The following CNIH3 variants were observed in gnomAD, a reference collection of about 807,000 sequenced individuals.
CNIH3 encodes the protein protein cornichon homolog 3.
In CNIH3, 14 loss-of-function variants were observed where a neutral mutation model predicts 24.1. The ratio of observed to expected loss-of-function variants is 0.58; its 90% CI spans 0.38 to 0.91. The LOEUF (loss-of-function observed/expected upper bound fraction) is 0.91. Ranked by LOEUF, CNIH3 falls within the 40% of genes least tolerant of loss-of-function variation. CNIH3 has a pLI of 0.00. For missense variants in CNIH3, 178 were observed against 196.8 expected (o/e 0.90, Z 0.57); for synonymous variants, 68 against 73.8 (o/e 0.92, Z 0.40).
At chr1:224,632,539 CA>C (rs1683875299) in intron 1 of CNIH3, among the ~76,000 whole-genome samples, 1 of 151,848 alleles carries the variant, frequency 6.6e-6, no homozygotes, top group Non-Finnish European at 1.5e-5. Flanking sequence ...GGTCATGTCA[CA>C]AGAGGATTGG....
chr1:224,731,262 A>T (rs1689311049), intron 4 of CNIH3, among the ~76,000 whole-genome samples: 1 of 152,144 alleles, frequency 6.6e-6, no homozygotes, highest in African/African-American at 2.4e-5. Context: ...CTTTTATGGT[A>T]TGTAAATTAT....
chr1:224,475,459 A>G (rs1462581935), intron 1 of CNIH3, among the ~76,000 whole-genome samples: 1 of 152,206 alleles, frequency 6.6e-6, no homozygotes, highest in Non-Finnish European at 1.5e-5. Context: ...ATGAGCAATT[A>G]TATGCTAATA....
At chr1:224,605,676 T>C (rs1315915098) in intron 3 of CNIH3, among the ~76,000 whole-genome samples, 2 of 152,138 alleles carry the variant, frequency 1.3e-5, no homozygotes, top group Non-Finnish European at 2.9e-5. Context: ...GACAACCAGA[T>C]GGCCCCACCC....
At chr1:224,731,739 A>G (rs549582013) in intron 4 of CNIH3, among the ~76,000 whole-genome samples, 1 of 152,256 alleles carries the variant, frequency 6.6e-6, no homozygotes, top group Non-Finnish European at 1.5e-5. Flanking sequence ...TACTGGTAGG[A>G]GCATAGAGAA....
At chr1:224,666,172 G>A (rs1420290128) in intron 1 of CNIH3, among the ~76,000 whole-genome samples, 1 of 152,200 alleles carries the variant, frequency 6.6e-6, no homozygotes, top group Non-Finnish European at 1.5e-5. Context: ...CAAAAGCCAA[G>A]CCAGAACCCA....
intron 1 of CNIH3, 90 bp downstream of exon 1, chr1:224,617,345 G>A: frequency 7.1e-7 from 1 of 1,416,448 alleles, no homozygotes; most frequent in South Asian, 1.3e-5. Flanking sequence ...TGCGGGCGTG[G>A]GCGAACCGGA....
chr1:224,481,105 A>C (rs1002471416), intron 1 of CNIH3, among the ~76,000 whole-genome samples: 1 of 152,258 alleles, frequency 6.6e-6, no homozygotes. Flanking sequence ...CACATCTTAC[A>C]TGGATGGCAG....
intron 3 of CNIH3, among the ~76,000 whole-genome samples, chr1:224,564,332 A>G (rs921334392): frequency 6.6e-6 from 1 of 152,194 alleles, no homozygotes; most frequent in African/African-American, 2.4e-5. Context: ...AAATGACGAA[A>G]ATGGAGAATG....
chr1:224,505,615 T>C (rs1405731146), intron 1 of CNIH3, among the ~76,000 whole-genome samples: 2 of 152,150 alleles, frequency 1.3e-5, no homozygotes, highest in African/African-American at 4.8e-5. Flanking sequence ...ACAAGAAAAC[T>C]AGGGCTCAAA....
chr1:224,563,719 G>C (rs1680470157), intron 3 of CNIH3, among the ~76,000 whole-genome samples: 1 of 152,160 alleles, frequency 6.6e-6, no homozygotes, highest in Non-Finnish European at 1.5e-5. Flanking sequence ...GCTAGACTTT[G>C]AAGCTCCTTC....
chr1:224,663,186 C>G (rs1685442442), intron 1 of CNIH3, among the ~76,000 whole-genome samples: 1 of 152,118 alleles, frequency 6.6e-6, no homozygotes, highest in Admixed American at 6.6e-5. Context: ...GTAAGACAGT[C>G]CTATGATTCA....
intron 1 of CNIH3, among the ~76,000 whole-genome samples, chr1:224,630,859 G>A (rs916835120): frequency 6.6e-6 from 1 of 152,100 alleles, no homozygotes; most frequent in African/African-American, 2.4e-5. Context: ...TGTCTGGCCA[G>A]AATGGAGCTG....
chr1:224,561,439 C>CT (rs903535417), intron 3 of CNIH3, among the ~76,000 whole-genome samples: 1 of 152,190 alleles, frequency 6.6e-6, no homozygotes, highest in Admixed American at 6.5e-5. Flanking sequence ...ATCCGTTTCA[C>CT]TTAGTACTTG....
intron 1 of CNIH3, among the ~76,000 whole-genome samples, chr1:224,444,167 C>A (rs907373678): frequency 6.6e-6 from 1 of 151,896 alleles, no homozygotes. Flanking sequence ...ACTTATACTT[C>A]GGTATATAGC....
intron 3 of CNIH3, among the ~76,000 whole-genome samples, chr1:224,608,755 T>C (rs1682548473): frequency 6.6e-6 from 1 of 152,218 alleles, no homozygotes; most frequent in South Asian, 2.1e-4. Flanking sequence ...TCCCTTACCC[T>C]GATGCTTCCC....
intron 3 of CNIH3, among the ~76,000 whole-genome samples, chr1:224,699,524 T>C (rs1488028008): frequency 6.6e-6 from 1 of 152,194 alleles, no homozygotes; most frequent in Non-Finnish European, 1.5e-5. Context: ...GTTCTCTGCT[T>C]GGCTTGTGTA....
chr1:224,584,438 G>GAAAAAT (rs1681410108), intron 5 of CNIH3, among the ~76,000 whole-genome samples: 1 of 152,152 alleles, frequency 6.6e-6, no homozygotes, highest in Non-Finnish European at 1.5e-5. Context: ...TTGGGGGCTA[G>GAAAAAT]AAAAATAAAT....
intron 1 of CNIH3, chr1:224,661,241 C>A: frequency 3.3e-6 from 1 of 304,926 alleles, no homozygotes; most frequent in South Asian, 4.1e-5. Context: ...CCCTCTTCTT[C>A]AACTTCTGCT....
chr1:224,687,089 G>A (rs1686698957), intron 3 of CNIH3, among the ~76,000 whole-genome samples: 1 of 152,178 alleles, frequency 6.6e-6, no homozygotes, highest in East Asian at 1.9e-4. Context: ...GAGGACATGA[G>A]ACAGTGACTT....
Sources: gnomAD v4.1 joint callset for allele counts (sites outside exome capture counted in the v4.1 genomes callset) on GRCh38, gnomAD v4.1.1 for gene constraint, MANE v1.5 for transcripts, NCBI Gene and HGNC (gene_info 2026-07-23, HGNC 2026-07-21) for gene names.